The following ZNF787 variants were observed in gnomAD, a reference collection of about 807,000 sequenced individuals.
ZNF787 encodes zinc finger protein 787.
Under a neutral mutation model 16.9 loss-of-function variants are expected in ZNF787, and 7 were observed. The ratio of observed to expected loss-of-function variants is 0.42; its 90% CI spans 0.24 to 0.78. The LOEUF is 0.78. Ranked by LOEUF, ZNF787 falls within the 30% of genes least tolerant of loss-of-function variation. ZNF787 has a pLI of 0.30. For synonymous variants in ZNF787, 345 were observed against 270.9 expected (o/e 1.27, Z -2.69); for missense variants, 551 against 589.3 (o/e 0.94, Z 0.67).
At chr19:56,096,955 A>G (rs998214157) in intron 2 of ZNF787, among the ~76,000 whole-genome samples, 6 of 151,994 alleles carry the variant, frequency 3.9e-5, no homozygotes, top group African/African-American at 1.2e-4. Flanking sequence ...CCCTCTCAAC[A>G]TCGGGAACTC....
In ZNF787 at chr19:56,095,545, G is replaced by A. The variant is rs147095543; in HGVS notation, c.80-6453C>T. 2.3e-3 allele frequency among the ~76,000 whole-genome samples: 345 copies of A among 152,264 alleles called. 3 individuals are homozygous for A. The highest frequency in any genetic ancestry group is 7.9e-3 in the African/African-American group (330 of 41,564). On this transcript the variant is annotated intron_variant, in intron 2 of 2. Coordinates refer to ENST00000610935, the MANE Select transcript of ZNF787 (RefSeq NM_001002836.4). ...AGGTTCTCACACAGCAGGTAAAAAC[G>A]CTGCAACCAGCCTGCACAGATGCAC...
intron 1 of ZNF787, among the ~76,000 whole-genome samples, chr19:56,112,146 G>A (rs1017694811): frequency 6.6e-6 from 1 of 152,180 alleles, no homozygotes; most frequent in Non-Finnish European, 1.5e-5. Context: ...AGGAGCTGCG[G>A]GGGCCTGAGG....
chr19:56,091,975 G>GCCGAAGGCGAAA (rs1555775531), intron 2 of ZNF787, among the ~76,000 whole-genome samples: 2 of 146,008 alleles, frequency 1.4e-5, no homozygotes, highest in Admixed American at 6.8e-5. Context: ...CGAAGCCAAA[G>GCCGAAGGCGAAA]CCGAAGGCGA....
chr19:56,088,247 C>G lies in ZNF787; in HGVS notation c.925G>C (p.Ala309Pro). Residue 309 changes from alanine to proline, a missense_variant, in exon 3 of 3, where the codon GCG (alanine) becomes CCG (proline). Coordinates refer to ENST00000610935, the MANE Select transcript of ZNF787 (RefSeq NM_001002836.4). This position sits in a 1 kb window ranked among gnomAD's most constrained non-coding sequence, Gnocchi z 8.6. ...TGGGCCGGCTCCTCGCCCCCCGCCG[C>G]CCCGAGCCCGTCCCCGTGCTGGGCC... ...QRAQHGDGLG[A>P]AGGEEPAHIC... 6.8e-7 allele frequency: 1 copy of G among 1,471,802 alleles called. No individual in the cohort carries two copies. 91.2% of individuals were successfully genotyped at this position (1,471,802 alleles called of 1,614,324 possible). A position where few individuals can be genotyped will look rare whatever the true frequency, so the allele number is the denominator to read the frequency against.
intron 1 of ZNF787, among the ~76,000 whole-genome samples, chr19:56,115,106 G>A (rs1021531589): frequency 1.3e-5 from 2 of 151,952 alleles, no homozygotes; most frequent in Admixed American, 6.6e-5. Context: ...GTGACACCAC[G>A]GAGATCCCAG....
At chr19:56,093,202 A>C (rs1002996922) in intron 2 of ZNF787, among the ~76,000 whole-genome samples, 1 of 151,378 alleles carries the variant, frequency 6.6e-6, no homozygotes, top group Non-Finnish European at 1.5e-5. Flanking sequence ...TATCCCAGAC[A>C]CAGGGGTTGG....
chr19:56,105,037 AG>A (rs1343633054), intron 1 of ZNF787, among the ~76,000 whole-genome samples: 2 of 152,198 alleles, frequency 1.3e-5, no homozygotes, highest in African/African-American at 4.8e-5. Context: ...CTAAGGCAGG[AG>A]AATTGCTGAA....
chr19:56,087,906 G>C lies in ZNF787; in HGVS notation c.*117C>G, dbSNP rs1985360310. 1.6e-6 allele frequency: 2 copies of C among 1,273,186 alleles called. No homozygotes were observed. 78.9% of individuals were successfully genotyped at this position (1,273,186 alleles called of 1,614,324 possible). On this transcript the variant is annotated 3_prime_UTR_variant, in exon 3 of 3. Coordinates refer to ENST00000610935, the MANE Select transcript of ZNF787 (RefSeq NM_001002836.4). ...GGGACAGAGGAGGGCGGGGAGCCGG[G>C]GATGCCGCGGGGTCCATCGCACCCC...
intron 1 of ZNF787, among the ~76,000 whole-genome samples, chr19:56,109,609 T>C (rs2029920700): frequency 6.6e-6 from 1 of 152,226 alleles, no homozygotes; most frequent in Admixed American, 6.5e-5. Context: ...AAATAACATT[T>C]GTGGCCGTGC....
chr19:56,116,485 G>A (rs2030142185), intron 1 of ZNF787, among the ~76,000 whole-genome samples: 2 of 152,098 alleles, frequency 1.3e-5, no homozygotes, highest in African/African-American at 4.8e-5. Flanking sequence ...CACCACTCAG[G>A]TGGCTGAGGA....
At chr19:56,103,542 C>A in intron 1 of ZNF787, 1 of 361,736 alleles carries the variant, frequency 2.8e-6, no homozygotes, top group Admixed American at 4.5e-5. Flanking sequence ...CCACCTCGCG[C>A]CTCCTCGCGC....
intron 2 of ZNF787, among the ~76,000 whole-genome samples, chr19:56,101,457 T>C (rs1380902202): frequency 6.6e-6 from 1 of 152,250 alleles, no homozygotes; most frequent in East Asian, 1.9e-4. Flanking sequence ...CAAGGGGACC[T>C]GACACCTACC....
chr19:56,115,642 CG>C (rs1396065901), intron 1 of ZNF787, among the ~76,000 whole-genome samples: 1 of 152,142 alleles, frequency 6.6e-6, no homozygotes, highest in Non-Finnish European at 1.5e-5. Flanking sequence ...AAAGGTTTCC[CG>C]CATGCCTCCC....
chr19:56,098,460 G>C (rs1252342353), intron 2 of ZNF787, among the ~76,000 whole-genome samples: 1 of 151,410 alleles, frequency 6.6e-6, no homozygotes, highest in Non-Finnish European at 1.5e-5. Context: ...ACGGCCGCAG[G>C]GTGATTACGG....
chr19:56,092,162 G>C (rs1215596051), intron 2 of ZNF787, among the ~76,000 whole-genome samples: 1 of 152,302 alleles, frequency 6.6e-6, no homozygotes, highest in African/African-American at 2.4e-5. Context: ...GAAGAGCACG[G>C]TGAGGAGCAC....
chr19:56,106,163 T>C (rs997749713), intron 1 of ZNF787, among the ~76,000 whole-genome samples: 2 of 151,882 alleles, frequency 1.3e-5, no homozygotes, highest in African/African-American at 4.8e-5. Context: ...CTCCTTTCCG[T>C]CCCTCTGGAC....
chr19:56,090,364 C>T (rs10409172), intron 2 of ZNF787, among the ~76,000 whole-genome samples: 9,814 of 152,188 alleles, frequency 0.064, 968 homozygotes, highest in African/African-American at 0.21. Context: ...TGCCCAGAAG[C>T]GCATTAGTAG....
intron 1 of ZNF787, among the ~76,000 whole-genome samples, chr19:56,108,394 C>G (rs1163488963): frequency 6.8e-5 from 10 of 146,794 alleles, no homozygotes; most frequent in Admixed American, 6.7e-4. Flanking sequence ...CCAACCCCTG[C>G]CCAGAGCTCC....
At chr19:56,113,368 A>G (rs2123427485) in intron 1 of ZNF787, among the ~76,000 whole-genome samples, 1 of 152,346 alleles carries the variant, frequency 6.6e-6, no homozygotes, top group East Asian at 1.9e-4. Context: ...TCCACTCCTT[A>G]GTATAGACCC....
Sources: allele counts gnomAD v4.1 joint callset (sites outside exome capture counted in the v4.1 genomes callset), GRCh38; gene constraint gnomAD v4.1.1; non-coding constraint Gnocchi (gnomAD v3.1); transcripts MANE v1.5; gene names NCBI Gene and HGNC (gene_info 2026-07-23, HGNC 2026-07-21).